KDM2B: variants seen among roughly 807,000 people sequenced by gnomAD.
The protein encoded by KDM2B is lysine-specific demethylase 2B.
KDM2B carries 26 observed loss-of-function variants against 150.0 expected under a neutral mutation model. The ratio of observed to expected loss-of-function variants is 0.17; its 90% CI spans 0.13 to 0.24. The LOEUF is 0.24. Ranked by LOEUF, KDM2B falls within the 10% of genes least tolerant of loss-of-function variation. The pLI is 1.00. For missense variants in KDM2B, 1,265 were observed against 1,816.9 expected (o/e 0.70, Z 5.52); for synonymous variants, 734 against 729.5 (o/e 1.01, Z -0.10).
the KDM2B span, among the ~76,000 whole-genome samples, chr12:121,422,483 A>G: frequency 6.6e-6 from 1 of 152,196 alleles, no homozygotes; most frequent in East Asian, 1.9e-4. Flanking sequence ...ATCTCATCCC[A>G]TAGATCCTTT....
At chr12:121,556,600 C>T (rs1283226807) in intron 4 of KDM2B, among the ~76,000 whole-genome samples, 2 of 152,160 alleles carry the variant, frequency 1.3e-5, no homozygotes, top group Non-Finnish European at 2.9e-5. Flanking sequence ...CCTGTAATCC[C>T]AGCACTTTGG....
At chr12:121,511,608 C>A (rs1475353159) in intron 10 of KDM2B, among the ~76,000 whole-genome samples, 2 of 152,202 alleles carry the variant, frequency 1.3e-5, no homozygotes, top group Non-Finnish European at 2.9e-5. Context: ...CAGGCATGAG[C>A]CACTGTGCCC....
intron 6 of KDM2B, among the ~76,000 whole-genome samples, chr12:121,535,325 G>T (rs28481788): frequency 6.6e-6 from 1 of 151,920 alleles, no homozygotes; most frequent in African/African-American, 2.4e-5. Flanking sequence ...AAGACCAAGC[G>T]GTGTCTGGTC....
rs1880244402 is a variant in KDM2B, at chr12:121,467,607, C to T, written c.1735-14263G>A. On this transcript the variant is annotated intron_variant, in intron 12 of 22. Coordinates refer to ENST00000377071, the MANE Select transcript of KDM2B (RefSeq NM_032590.5). The surrounding 1 kb of genome is among the most constrained non-coding windows in gnomAD (Gnocchi z 5.1). ...GGGCTGCGTGGGGGCGTGCCCCGCG[C>T]CCCGCCCGGCCCGGCCTGGCCCGCG... 6.7e-6 allele frequency: 1 copy of T among 149,476 alleles called. No homozygotes were observed. The highest frequency in any genetic ancestry group is 2.1e-4 in the South Asian group (1 of 4,810). The allele number at this position is 149,476 out of a possible 1,614,324, so 9.3% of individuals were successfully genotyped here. A position where few individuals can be genotyped will look rare whatever the true frequency, so the allele number is the denominator to read the frequency against.
At chr12:121,580,338 G>T (rs368224964) in intron 1 of KDM2B, 2 of 1,159,226 alleles carry the variant, frequency 1.7e-6, no homozygotes, top group Non-Finnish European at 2.1e-6. Context: ...GGGCTATTTG[G>T]GGGGGCTCTC....
chr12:121,425,707 T>C (rs898113376), downstream of KDM2B, among the ~76,000 whole-genome samples: 25 of 152,144 alleles, frequency 1.6e-4, no homozygotes, highest in African/African-American at 6.0e-4. Context: ...CAGGTCATGG[T>C]TTCCCTTTAG....
intron 17 of KDM2B, 53 bp downstream of exon 17, chr12:121,443,627 C>G (rs1875581366): frequency 9.2e-7 from 1 of 1,085,376 alleles, no homozygotes; most frequent in African/African-American, 1.5e-5. Context: ...TGGGGGACAG[C>G]CCAGGACTCG....
At chr12:121,527,254 C>T (rs1887221399) in intron 8 of KDM2B, among the ~76,000 whole-genome samples, 1 of 141,736 alleles carries the variant, frequency 7.1e-6, no homozygotes, top group South Asian at 2.5e-4. Flanking sequence ...GACGGGGTTT[C>T]ACCGTGTTAG....
At chr12:121,543,928 C>A (rs952342003) in intron 6 of KDM2B, among the ~76,000 whole-genome samples, 1 of 151,752 alleles carries the variant, frequency 6.6e-6, no homozygotes, top group African/African-American at 2.4e-5. Context: ...TCAAGACCAG[C>A]CTGGGCCAAC....
Position 121,574,734 on chromosome 12 carries a change from G to A in KDM2B, c.351-141C>T, listed in dbSNP as rs778124726. The A allele has an allele frequency of 4.2e-6, 3 of 713,296 alleles. No individual in the cohort carries two copies. In the Admixed American group the frequency reaches 7.8e-5, roughly 18 times the overall value. 44.2% of individuals were successfully genotyped at this position (713,296 alleles called of 1,614,324 possible). On this transcript the variant is annotated intron_variant, in intron 3 of 22. Coordinates refer to ENST00000377071, the MANE Select transcript of KDM2B (RefSeq NM_032590.5). ...AACTCAAAATGAGAACATCCAGAGG[G>A]AGAGAAGTAGACCAGTTGATGCCTC...
the KDM2B span, chr12:121,418,061 G>A: frequency 1.2e-6 from 1 of 847,616 alleles, no homozygotes; most frequent in Non-Finnish European, 1.8e-6. Flanking sequence ...TGCACTTAAA[G>A]GCTGTCCTGA....
rs1877760247 is a variant in KDM2B, at chr12:121,453,836, A to AT, written c.1735-493dup. ...GGCCGGTTGTTTTAAGCCACCCGTT[A>AT]TGGCAGCCCTAGGAGAGGACGACAG... On this transcript the variant is annotated intron_variant, in intron 12 of 22. Transcript: ENST00000377071. The surrounding 1 kb of genome is among the most constrained non-coding windows in gnomAD (Gnocchi z 6.4). Among the ~76,000 whole-genome samples the AT allele has an allele frequency of 6.6e-6, 1 of 152,136 alleles. No individual in the cohort carries two copies. Among genetic ancestry groups the AT allele is most frequent in the Non-Finnish European group, 1.5e-5 (1 of 68,016 alleles).
intron 11 of KDM2B, among the ~76,000 whole-genome samples, chr12:121,506,690 C>A (rs1555303000): frequency 6.6e-6 from 1 of 151,928 alleles, no homozygotes; most frequent in East Asian, 1.9e-4. Context: ...GTAATCCCAG[C>A]ACTTTGGGAG....
At chr12:121,446,464 C>A (rs1876308650) in intron 13 of KDM2B, among the ~76,000 whole-genome samples, 1 of 152,210 alleles carries the variant, frequency 6.6e-6, no homozygotes, top group African/African-American at 2.4e-5. Flanking sequence ...TTATGAAAAC[C>A]TTACCCTAGA....
In KDM2B at chr12:121,445,360, G is replaced by A. The variant is rs781814335; in HGVS notation, c.2018C>T (p.Thr673Met). The A allele has an allele frequency of 9.9e-6, 16 of 1,609,654 alleles. No individual in the cohort carries two copies. Among genetic ancestry groups the A allele is most frequent in the South Asian group, 5.5e-5 (5 of 90,702 alleles). Reference protein sequence around the residue: ...LVCGEAGKEDTVEEEEGKFNL... With the variant: ...LVCGEAGKEDMVEEEEGKFNL... ...AAACTTGCCTTCCTCCTCTTCCACC[G>A]TGTCTTCCTTCCCCGCCTCGCCACA... Residue 673 changes from threonine (T) to methionine (M), a missense_variant, in exon 14 of 23, where the codon ACG becomes ATG. Coordinates refer to ENST00000377071, the MANE Select transcript of KDM2B (RefSeq NM_032590.5).
intron 12 of KDM2B, among the ~76,000 whole-genome samples, chr12:121,482,509 C>A (rs1243470736): frequency 6.6e-6 from 1 of 151,992 alleles, no homozygotes; most frequent in African/African-American, 2.4e-5. Flanking sequence ...ACCATGTTGT[C>A]CAGGATGGTC....
At chr12:121,511,211 T>C (rs1210491342) in intron 10 of KDM2B, among the ~76,000 whole-genome samples, 3 of 151,324 alleles carry the variant, frequency 2.0e-5, no homozygotes, top group Admixed American at 6.6e-5. Flanking sequence ...GGTTTTACCT[T>C]GTTGGTCAGG....
intron 8 of KDM2B, among the ~76,000 whole-genome samples, chr12:121,523,797 G>C (rs1886896129): frequency 6.6e-6 from 1 of 152,218 alleles, no homozygotes. Context: ...TTCTGTGCCT[G>C]GCTCCCCGGG....
intron 2 of KDM2B, among the ~76,000 whole-genome samples, chr12:121,576,142 G>A (rs989858150): frequency 6.6e-5 from 10 of 152,190 alleles, no homozygotes; most frequent in African/African-American, 2.4e-4. Context: ...CAAGGCCAGC[G>A]AGGGTTGGGG....
Sources: allele counts gnomAD v4.1 joint callset (sites outside exome capture counted in the v4.1 genomes callset), GRCh38; gene constraint gnomAD v4.1.1; non-coding constraint Gnocchi (gnomAD v3.1); transcripts MANE v1.5; gene names NCBI Gene and HGNC (gene_info 2026-07-23, HGNC 2026-07-21).